The following PIGU variants were observed in gnomAD, a reference collection of about 807,000 sequenced individuals.
The protein encoded by PIGU is phosphatidylinositol glycan anchor biosynthesis class U, also known as GPI-anchor transamidase component PIGU.
Under a neutral mutation model 49.9 loss-of-function variants are expected in PIGU, and 24 were observed. That is an observed-to-expected ratio of 0.48 (90% CI 0.35 to 0.68). The LOEUF is 0.68. Ranked by LOEUF, PIGU falls within the 30% of genes least tolerant of loss-of-function variation. PIGU has a pLI of 0.01. For missense variants in PIGU, 490 were observed against 532.6 expected (o/e 0.92, Z 0.79); for synonymous variants, 220 against 205.7 (o/e 1.07, Z -0.59).
chr20:34,587,263 G>T (rs913858394), intron 8 of PIGU, among the ~76,000 whole-genome samples: 2 of 152,196 alleles, frequency 1.3e-5, no homozygotes, highest in African/African-American at 4.8e-5. Context: ...GAGAACCGCT[G>T]CTATTTAATA....
chr20:34,673,808 A>C (rs371850642), intron 1 of PIGU, among the ~76,000 whole-genome samples: 1 of 152,218 alleles, frequency 6.6e-6, no homozygotes, highest in Non-Finnish European at 1.5e-5. Context: ...TAATCCCAGC[A>C]CTTTGGGAGG....
At chr20:34,636,348 G>A (rs183463678) in intron 5 of PIGU, among the ~76,000 whole-genome samples, 16 of 152,230 alleles carry the variant, frequency 1.1e-4, no homozygotes, top group Non-Finnish European at 1.9e-4. Flanking sequence ...TTCAAGACCA[G>A]CCTGGCCAAC....
intron 9 of PIGU, among the ~76,000 whole-genome samples, chr20:34,582,996 A>G (rs747139875): frequency 1.4e-4 from 21 of 152,318 alleles, no homozygotes; most frequent in Non-Finnish European, 2.2e-4. Flanking sequence ...ACTTCTGCAC[A>G]GTACCTAGAT....
At chr20:34,632,340 T>C (rs1171334498) in intron 6 of PIGU, among the ~76,000 whole-genome samples, 1 of 151,904 alleles carries the variant, frequency 6.6e-6, no homozygotes, top group Admixed American at 6.6e-5. Context: ...TTTTTAGACA[T>C]GGAATAACTC....
chr20:34,626,782 T>C (rs1985510341), intron 6 of PIGU, among the ~76,000 whole-genome samples: 1 of 152,192 alleles, frequency 6.6e-6, no homozygotes, highest in African/African-American at 2.4e-5. Flanking sequence ...TAAATTTCAA[T>C]TTGCCTTTTC....
At chr20:34,632,386 T>C (rs80104579) in intron 6 of PIGU, among the ~76,000 whole-genome samples, 1 of 151,716 alleles carries the variant, frequency 6.6e-6, no homozygotes, top group Non-Finnish European at 1.5e-5. Context: ...TTTTTTTTTT[T>C]GAGACGGAGT....
intron 10 of PIGU, chr20:34,579,090 T>C (rs1334162693): frequency 1.3e-5 from 2 of 152,330 alleles, no homozygotes; most frequent in African/African-American, 4.8e-5. Context: ...ATGGTGATAT[T>C]CCCTTTCTTA....
chr20:34,596,912 A>G (rs916622267), intron 7 of PIGU, among the ~76,000 whole-genome samples: 2 of 152,192 alleles, frequency 1.3e-5, no homozygotes, highest in Admixed American at 6.6e-5. Context: ...TCTCAAAAAC[A>G]AAGCAAAATA....
intron 10 of PIGU, chr20:34,579,070 T>A (rs1468807689): frequency 1.3e-5 from 2 of 152,208 alleles, no homozygotes; most frequent in African/African-American, 2.4e-5. Flanking sequence ...ATTTGGGGAC[T>A]TCAAAGGCCA....
chr20:34,600,319 G>C (rs1984367416), intron 7 of PIGU, among the ~76,000 whole-genome samples: 1 of 151,682 alleles, frequency 6.6e-6, no homozygotes, highest in Non-Finnish European at 1.5e-5. Flanking sequence ...AGGCAGGAGA[G>C]ATGCTTGAAC....
intron 11 of PIGU, among the ~76,000 whole-genome samples, chr20:34,572,772 A>T (rs1983067702): frequency 6.6e-6 from 1 of 152,238 alleles, no homozygotes; most frequent in Admixed American, 6.5e-5. Context: ...AATTATCTCA[A>T]GACAAAATCA....
intron 7 of PIGU, among the ~76,000 whole-genome samples, chr20:34,610,673 A>G (rs1984780344): frequency 6.6e-6 from 1 of 152,210 alleles, no homozygotes; most frequent in Non-Finnish European, 1.5e-5. Context: ...TCAAGCTACC[A>G]TTGACTTTCT....
chr20:34,630,201 C>G (rs1347701159), intron 6 of PIGU, among the ~76,000 whole-genome samples: 1 of 152,104 alleles, frequency 6.6e-6, no homozygotes, highest in African/African-American at 2.4e-5. Flanking sequence ...ACCCATCCCT[C>G]TAACTTTCTA....
chr20:34,599,111 C>T (rs997949296), intron 7 of PIGU, among the ~76,000 whole-genome samples: 3 of 152,098 alleles, frequency 2.0e-5, no homozygotes, highest in Non-Finnish European at 4.4e-5. Context: ...CACTAATGAG[C>T]GCCTACTTCT....
chr20:34,656,280 ATT>A (rs752461467), intron 2 of PIGU, among the ~76,000 whole-genome samples: 10 of 43,194 alleles, frequency 2.3e-4, no homozygotes, highest in East Asian at 6.5e-4. Context: ...CCTGTTTATA[ATT>A]TTTTTTTTTT....
chr20:34,590,292 C>T (rs1419389209), intron 7 of PIGU, among the ~76,000 whole-genome samples: 4 of 152,124 alleles, frequency 2.6e-5, no homozygotes, highest in African/African-American at 9.7e-5. Flanking sequence ...CATGGTGGCT[C>T]ATACCTGTAA....
chr20:34,659,037 C>A (rs1464109652), intron 1 of PIGU, among the ~76,000 whole-genome samples: 1 of 144,726 alleles, frequency 6.9e-6, no homozygotes, highest in East Asian at 2.1e-4. Context: ...AAGTGAGGAG[C>A]CCCTCTGCCC....
intron 10 of PIGU, among the ~76,000 whole-genome samples, chr20:34,578,335 T>C (rs1983320037): frequency 6.6e-6 from 1 of 152,162 alleles, no homozygotes; most frequent in Non-Finnish European, 1.5e-5. Context: ...GAATTACTAT[T>C]ATTATTAAAC....
intron 11 of PIGU, among the ~76,000 whole-genome samples, chr20:34,574,203 C>T (rs1196352854): frequency 2.0e-5 from 3 of 152,218 alleles, no homozygotes; most frequent in East Asian, 3.8e-4. Context: ...TTCCAAGAAG[C>T]GTGGGTGAGT....
Sources: allele counts gnomAD v4.1 joint callset (sites outside exome capture counted in the v4.1 genomes callset), GRCh38; gene constraint gnomAD v4.1.1; transcripts MANE v1.5; gene names NCBI Gene and HGNC (gene_info 2026-07-23, HGNC 2026-07-21).